Variants in PPP1R7 observed in about 807,000 individuals in gnomAD.
PPP1R7 encodes protein phosphatase 1 regulatory subunit 7.
A neutral mutation model predicts 45.2 loss-of-function variants in PPP1R7; 18 were observed. The ratio of observed to expected loss-of-function variants is 0.40; its 90% confidence interval spans 0.28 to 0.59. The LOEUF (loss-of-function observed/expected upper bound fraction) is 0.59. PPP1R7 is among the 20% of genes least tolerant of loss of function. The pLI, the probability that PPP1R7 is intolerant of heterozygous loss-of-function variation, is 0.46. For synonymous variants in PPP1R7, 181 were observed against 183.4 expected (o/e 0.99, Z 0.11); for missense variants, 314 against 455.8 (o/e 0.69, Z 2.83).
At chr2:241,166,924 A>G in intron 8 of PPP1R7, 3 of 802,956 alleles carry the variant, frequency 3.7e-6, no homozygotes, top group Non-Finnish European at 4.0e-6. Flanking sequence ...TCTCAGTCCC[A>G]GCCCCTTCCT....
At position 241,157,785 on chromosome 2, in the gene PPP1R7, TC is replaced by T. The variant is rs770587031; in HGVS notation, c.182-21del. The T allele has an allele frequency of 1.2e-5, 19 of 1,609,336 alleles. No individual in the cohort carries two copies. In the Admixed American group the frequency reaches 3.2e-4, roughly 27 times the overall value. ...TCCTGTTAATGGGGTTCTGAACAAA[TC>T]TCTTTTTCTTATTTTTTCAGAAGAA... On this transcript the variant is annotated intron_variant, in intron 2 of 9. Coordinates refer to ENST00000234038, the MANE Select transcript of PPP1R7 (RefSeq NM_002712.3).
chr2:241,178,684 G>A (rs1328174691), intron 9 of PPP1R7, among the ~76,000 whole-genome samples: 1 of 135,740 alleles, frequency 7.4e-6, no homozygotes, highest in Non-Finnish European at 1.6e-5. Flanking sequence ...GTGCAGTGGC[G>A]CAATCTCCGC....
chr2:241,156,107 AGGAGGAGCCAGGCT>A (rs953501296), intron 2 of PPP1R7, among the ~76,000 whole-genome samples: 47 of 152,128 alleles, frequency 3.1e-4, no homozygotes, highest in Admixed American at 1.1e-3. Flanking sequence ...TCCAGGTGAG[AGGAGGAGCCAGGCT>A]GGAGGAGCCA....
intron 5 of PPP1R7, 128 bp downstream of exon 5, chr2:241,159,471 C>T: frequency 8.3e-7 from 1 of 1,205,846 alleles, no homozygotes; most frequent in South Asian, 1.5e-5. Context: ...CAGGGTCCTG[C>T]CCTGCATCTG....
chr2:241,152,691 A>G (rs1484618403), intron 1 of PPP1R7, among the ~76,000 whole-genome samples: 1 of 152,248 alleles, frequency 6.6e-6, no homozygotes, highest in Non-Finnish European at 1.5e-5. Context: ...TATGGTTGAT[A>G]ATTCCAAGTA....
chr2:241,163,503 C>A, intron 7 of PPP1R7, 102 bp downstream of exon 7: 1 of 763,352 alleles, frequency 1.3e-6, no homozygotes, highest in Admixed American at 2.2e-5. Flanking sequence ...ACAATTGGCA[C>A]TTCGTTGCAC....
chr2:241,162,783 C>T (rs1161527360), intron 6 of PPP1R7, among the ~76,000 whole-genome samples: 3 of 151,472 alleles, frequency 2.0e-5, no homozygotes, highest in Non-Finnish European at 4.4e-5. Flanking sequence ...CCTGGGTTCA[C>T]GCCATTCTCC....
chr2:241,181,712 C>T (rs2068010085), intron 9 of PPP1R7, among the ~76,000 whole-genome samples: 2 of 152,196 alleles, frequency 1.3e-5, no homozygotes, highest in Admixed American at 1.3e-4. Context: ...TTCCTAACTT[C>T]CCTGTAAAAG....
At chr2:241,151,885 C>T (rs773650624) in intron 1 of PPP1R7, among the ~76,000 whole-genome samples, 9 of 152,186 alleles carry the variant, frequency 5.9e-5, no homozygotes, top group Non-Finnish European at 1.3e-4. Flanking sequence ...CCCTGTTCAC[C>T]AGCCCATCAT....
chr2:241,159,468 C>T, intron 5 of PPP1R7, 125 bp downstream of exon 5: 1 of 1,237,578 alleles, frequency 8.1e-7, no homozygotes, highest in Non-Finnish European at 1.1e-6. Context: ...CCACAGGGTC[C>T]TGCCCTGCAT....
intron 9 of PPP1R7, among the ~76,000 whole-genome samples, chr2:241,180,975 G>T (rs2067993645): frequency 6.6e-6 from 1 of 152,170 alleles, no homozygotes; most frequent in African/African-American, 2.4e-5. Context: ...GAGGCGGGTG[G>T]ATCACTTGAG....
At chr2:241,149,941 G>A, upstream of PPP1R7, 1 of 1,428,696 alleles carries the variant, frequency 7.0e-7, no homozygotes, top group Non-Finnish European at 9.1e-7. Flanking sequence ...AGCGTCAAGA[G>A]AAGGCGGCAT....
At chr2:241,170,545 A>G (rs564258499) in intron 9 of PPP1R7, among the ~76,000 whole-genome samples, 36 of 152,366 alleles carry the variant, frequency 2.4e-4, no homozygotes, top group African/African-American at 8.4e-4. Context: ...GTGGCCCTGC[A>G]GAGACTGCGG....
At chr2:241,159,829 G>A (rs1198976546) in intron 5 of PPP1R7, among the ~76,000 whole-genome samples, 2 of 152,088 alleles carry the variant, frequency 1.3e-5, no homozygotes, top group African/African-American at 2.4e-5. Flanking sequence ...CTAGAAGTTC[G>A]AGATAGCCTG....
At chr2:241,163,980 A>G (rs965367958) in intron 7 of PPP1R7, among the ~76,000 whole-genome samples, 7 of 150,960 alleles carry the variant, frequency 4.6e-5, no homozygotes, top group Non-Finnish European at 8.9e-5. Context: ...TGACAAGTGC[A>G]TTCATAGCTC....
At chr2:241,176,472 T>G (rs1234398281) in intron 9 of PPP1R7, among the ~76,000 whole-genome samples, 1 of 151,858 alleles carries the variant, frequency 6.6e-6, no homozygotes, top group East Asian at 1.9e-4. Flanking sequence ...TTTTTTTTTT[T>G]TTGAGATGGA....
chr2:241,150,806 GC>G (rs1202611425), intron 1 of PPP1R7, among the ~76,000 whole-genome samples: 5 of 152,202 alleles, frequency 3.3e-5, no homozygotes, highest in Admixed American at 6.5e-5. Flanking sequence ...CGGGGGTGGG[GC>G]TGAATGGGAC....
intron 2 of PPP1R7, among the ~76,000 whole-genome samples, chr2:241,155,436 G>T (rs1338219175): frequency 6.6e-6 from 1 of 152,156 alleles, no homozygotes; most frequent in Non-Finnish European, 1.5e-5. Context: ...TGCATTTCTA[G>T]CCCTTAGAGG....
rs376960553 is a variant in PPP1R7, at chr2:241,169,884, C to A, written c.906+17C>A. The A allele has an allele frequency of 5.8e-5, 91 of 1,576,390 alleles. 1 individual carries two copies. In the African/African-American group the frequency reaches 1.1e-3, roughly 20 times the overall value. ...GAGTTCTGGGTAAGTTTAATACACG[C>A]TGGGGTTGATGACACTTTGACTAAA... On this transcript the variant is annotated intron_variant, in intron 9 of 9. Transcript: ENST00000234038.
Sources: gnomAD v4.1 joint callset for allele counts (sites outside exome capture counted in the v4.1 genomes callset) on GRCh38, gnomAD v4.1.1 for gene constraint, MANE v1.5 for transcripts, NCBI Gene and HGNC (gene_info 2026-07-23, HGNC 2026-07-21) for gene names.